FNBP1: variants seen among roughly 807,000 people sequenced by gnomAD.
FNBP1 encodes formin binding protein 1.
Under a neutral mutation model 90.6 loss-of-function variants are expected in FNBP1, and 26 were observed. The ratio of observed to expected loss-of-function variants is 0.29; its 90% CI spans 0.21 to 0.40. The LOEUF is 0.40. FNBP1 is among the 10% of genes least tolerant of loss of function. The pLI is 1.00. For missense variants in FNBP1, 635 were observed against 768.0 expected (o/e 0.83, Z 2.05); for synonymous variants, 260 against 265.2 (o/e 0.98, Z 0.19).
intron 10 of FNBP1, among the ~76,000 whole-genome samples, chr9:129,921,643 C>A (rs553433353): frequency 3.9e-5 from 6 of 152,258 alleles, no homozygotes; most frequent in African/African-American, 1.4e-4. Context: ...GAACTCCTGA[C>A]CTCAGGTGAT....
chr9:129,963,070 A>G (rs1327616668), intron 4 of FNBP1, among the ~76,000 whole-genome samples: 1 of 152,206 alleles, frequency 6.6e-6, no homozygotes, highest in Non-Finnish European at 1.5e-5. Flanking sequence ...AGCCGCTCCC[A>G]AAAGTTTTAC....
At chr9:129,963,826 G>A (rs1409707561) in intron 4 of FNBP1, among the ~76,000 whole-genome samples, 1 of 151,912 alleles carries the variant, frequency 6.6e-6, no homozygotes, top group African/African-American at 2.4e-5. Flanking sequence ...TGTTGGCCAG[G>A]CTATCCTCGA....
At position 129,890,865 on chromosome 9, in the gene FNBP1, C is replaced by T. The variant is rs1474521544; in HGVS notation, c.1847-319G>A. On this transcript the variant is annotated intron_variant, in intron 16 of 16. Coordinates refer to ENST00000446176, the MANE Select transcript of FNBP1 (RefSeq NM_015033.3). This position sits in a 1 kb window ranked among gnomAD's most constrained non-coding sequence, Gnocchi z 5.8. ...TTTAGTTTTGAGAGAAAGTAAGAAA[C>T]GGAGGCCGGGGCTGGGCGCCGTGGC... Among the ~76,000 whole-genome samples, 1 of 152,158 alleles carries T rather than the reference C, an allele frequency of 6.6e-6. No homozygotes were observed. The highest frequency in any genetic ancestry group is 1.5e-5 in the Non-Finnish European group (1 of 68,028).
At chr9:129,977,913 C>T (rs1016712147) in intron 4 of FNBP1, among the ~76,000 whole-genome samples, 3 of 152,022 alleles carry the variant, frequency 2.0e-5, no homozygotes, top group African/African-American at 7.2e-5. Context: ...GATGCATATT[C>T]CTTTGAATAT....
chr9:130,042,321 C>T lies in FNBP1; in HGVS notation c.24+631G>A, dbSNP rs557689835. On this transcript the variant is annotated intron_variant, in intron 1 of 16. Transcript: ENST00000446176. The surrounding 1 kb of genome is among the most constrained non-coding windows in gnomAD (Gnocchi z 5.5). The stretch of plus-strand genomic sequence containing the variant: ...CTCCCACTTTCCCCTCCAGACCAGA[C>T]GTCGCAGTGCCCACATCCCACTCAG... Among the ~76,000 whole-genome samples, 35 of 152,284 alleles carry T rather than the reference C, an allele frequency of 2.3e-4. No homozygotes were observed. Among genetic ancestry groups the T allele is most frequent in the African/African-American group, 8.4e-4 (35 of 41,570 alleles).
chr9:129,917,024 T>C (rs2040362737), intron 10 of FNBP1, among the ~76,000 whole-genome samples: 1 of 152,132 alleles, frequency 6.6e-6, no homozygotes, highest in African/African-American at 2.4e-5. Context: ...CTGCTCTTTT[T>C]TTTTTTGAGA....
intron 3 of FNBP1, 100 bp downstream of exon 3, chr9:129,979,218 G>T: frequency 1.5e-6 from 1 of 665,536 alleles, no homozygotes; most frequent in South Asian, 2.2e-5. Flanking sequence ...AAAATGAATG[G>T]GAAATGCAAC....
intron 1 of FNBP1, chr9:130,013,681 T>C (rs1380764046): frequency 2.0e-5 from 9 of 455,698 alleles, no homozygotes; most frequent in Non-Finnish European, 4.0e-5. Context: ...AAAAAAAATA[T>C]TGGCAACAAC....
intron 1 of FNBP1, among the ~76,000 whole-genome samples, chr9:130,018,113 A>T (rs763667754): frequency 1.3e-5 from 2 of 151,374 alleles, no homozygotes; most frequent in African/African-American, 2.4e-5. Flanking sequence ...ACAGAGTTTC[A>T]CTGTGTTAGC....
intron 10 of FNBP1, among the ~76,000 whole-genome samples, chr9:129,918,249 T>C (rs562862567): frequency 1.3e-5 from 2 of 152,350 alleles, no homozygotes; most frequent in South Asian, 2.1e-4. Context: ...GATCTATTAA[T>C]ACAAGAAGTG....
At chr9:129,905,140 A>G (rs1004695235) in intron 12 of FNBP1, among the ~76,000 whole-genome samples, 7 of 151,678 alleles carry the variant, frequency 4.6e-5, no homozygotes, top group Admixed American at 1.3e-4. Flanking sequence ...CCTATTTCTC[A>G]GCAAAAGCCC....
chr9:130,025,119 G>A (rs995091853), intron 1 of FNBP1, among the ~76,000 whole-genome samples: 2 of 152,012 alleles, frequency 1.3e-5, no homozygotes, highest in African/African-American at 4.8e-5. Flanking sequence ...GGTGGAGGTT[G>A]CAGTGAGTGG....
chr9:129,921,327 C>A (rs1421201827), intron 10 of FNBP1, among the ~76,000 whole-genome samples: 1 of 151,076 alleles, frequency 6.6e-6, no homozygotes, highest in South Asian at 2.1e-4. Flanking sequence ...CTCCAGCAAT[C>A]CTCTCATCCC....
At chr9:129,919,317 T>C in intron 10 of FNBP1, 2 of 669,994 alleles carry the variant, frequency 3.0e-6, no homozygotes, top group Non-Finnish European at 4.6e-6. Flanking sequence ...GACAAACAAC[T>C]GGTAAGGATT....
chr9:130,025,801 G>A (rs1317766818), intron 1 of FNBP1, among the ~76,000 whole-genome samples: 1 of 152,170 alleles, frequency 6.6e-6, no homozygotes, highest in African/African-American at 2.4e-5. Context: ...GCACATGCCT[G>A]TAATCCCAGC....
intron 1 of FNBP1, among the ~76,000 whole-genome samples, chr9:130,000,122 C>T (rs1034085670): frequency 6.6e-6 from 1 of 152,144 alleles, no homozygotes; most frequent in African/African-American, 2.4e-5. Flanking sequence ...CAGTAAGATC[C>T]ACTGGTCCAC....
chr9:129,941,445 G>C (rs1159155633), intron 6 of FNBP1, among the ~76,000 whole-genome samples: 1 of 152,052 alleles, frequency 6.6e-6, no homozygotes, highest in East Asian at 1.9e-4. Context: ...AAGAACAACT[G>C]ACAATGATAG....
At chr9:129,937,411 G>A (rs115197364) in intron 6 of FNBP1, among the ~76,000 whole-genome samples, 5,198 of 152,226 alleles carry the variant, frequency 0.034, 158 homozygotes, top group African/African-American at 0.078. Context: ...TTAATAAGAT[G>A]AAGTAAATGT....
intron 6 of FNBP1, among the ~76,000 whole-genome samples, chr9:129,956,811 C>CT (rs755893792): frequency 4.6e-5 from 7 of 152,212 alleles, no homozygotes; most frequent in Non-Finnish European, 1.0e-4. Flanking sequence ...TGTTCATAGT[C>CT]TAAGTCTCCA....
Sources: gnomAD v4.1 joint callset for allele counts (sites outside exome capture counted in the v4.1 genomes callset) on GRCh38, gnomAD v4.1.1 for gene constraint, Gnocchi (gnomAD v3.1) non-coding constraint, MANE v1.5 for transcripts, NCBI Gene and HGNC (gene_info 2026-07-23, HGNC 2026-07-21) for gene names.